PCDH15: variants seen among roughly 807,000 people sequenced by gnomAD.
The protein encoded by PCDH15 is protocadherin-15.
PCDH15 carries 129 observed loss-of-function variants against 178.5 expected under a neutral mutation model. That is an observed-to-expected ratio of 0.72 (90% CI 0.63 to 0.84). The LOEUF (loss-of-function observed/expected upper bound fraction) is 0.84, where lower values mean the gene tolerates loss of function less well. Ranked by LOEUF, PCDH15 falls within the 40% of genes least tolerant of loss-of-function variation. The pLI is 0.00. For missense variants in PCDH15, 2,230 were observed against 2,099.9 expected (o/e 1.06, Z -1.21); for synonymous variants, 800 against 732.0 (o/e 1.09, Z -1.50).
intron 2 of PCDH15, among the ~76,000 whole-genome samples, chr10:55,327,068 A>G (rs1844049847): frequency 6.6e-6 from 1 of 152,126 alleles, no homozygotes; most frequent in Non-Finnish European, 1.5e-5. Flanking sequence ...CCAAAATCCC[A>G]AAGTAATGGT....
At chr10:55,299,837 C>T (rs1444422747) in intron 1 of PCDH15, among the ~76,000 whole-genome samples, 1 of 152,054 alleles carries the variant, frequency 6.6e-6, no homozygotes, top group Non-Finnish European at 1.5e-5. Flanking sequence ...GCAGCATTCT[C>T]GCCATTAAAA....
At position 54,692,691 on chromosome 10, in the gene PCDH15, A is replaced by G. The variant is rs200973026; in HGVS notation, c.-28-28401T>C. On this transcript the variant is annotated intron_variant, in intron 1 of 37. Coordinates refer to ENST00000644397, the MANE Select transcript of PCDH15 (RefSeq NM_001384140.1). ...AAGCCATTCTTAAACTTAAAAGCGA[A>G]TAACTCCAAACATCCCTGATTGAAT... Among the ~76,000 whole-genome samples, 6 of 147,358 alleles carry G rather than the reference A, an allele frequency of 4.1e-5. No individual in the cohort carries two copies. The East Asian group carries it at 1.0e-3, about 25-fold the overall frequency.
chr10:54,186,675 A>G (rs2048501287), intron 11 of PCDH15, among the ~76,000 whole-genome samples: 1 of 152,012 alleles, frequency 6.6e-6, no homozygotes, highest in Middle Eastern at 3.2e-3. Flanking sequence ...CGTATTTATT[A>G]TAAAATGATC....
At chr10:53,935,483 G>A (rs140124848) in intron 25 of PCDH15, among the ~76,000 whole-genome samples, 55 of 152,270 alleles carry the variant, frequency 3.6e-4, no homozygotes, top group African/African-American at 1.1e-3. Context: ...AAAGTAAGTC[G>A]TAGAACAAAT....
At chr10:54,329,528 A>G (rs749960781) in intron 7 of PCDH15, 68 bp downstream of exon 7, 1 of 1,153,292 alleles carries the variant, frequency 8.7e-7, no homozygotes, top group Non-Finnish European at 1.3e-6. Context: ...AGAGTATCTG[A>G]TACATTTTGG....
At chr10:55,461,215 T>G (rs1486621893) in intron 2 of PCDH15, among the ~76,000 whole-genome samples, 1 of 152,150 alleles carries the variant, frequency 6.6e-6, no homozygotes. Context: ...CTAGGACATC[T>G]ATGCATCATG....
chr10:55,327,639 A>G (rs1188013263), intron 2 of PCDH15, among the ~76,000 whole-genome samples: 5 of 152,182 alleles, frequency 3.3e-5, no homozygotes, highest in Admixed American at 6.6e-5. Context: ...AAAAATCAGC[A>G]TAATGTCTGA....
At chr10:54,492,602 A>G (rs1228123706) in intron 3 of PCDH15, among the ~76,000 whole-genome samples, 2 of 152,146 alleles carry the variant, frequency 1.3e-5, no homozygotes, top group African/African-American at 4.8e-5. Context: ...ATAAGTTTCA[A>G]ATTGTGTGCC....
chr10:54,284,585 G>T (rs1157144203), intron 8 of PCDH15, among the ~76,000 whole-genome samples: 2 of 152,120 alleles, frequency 1.3e-5, no homozygotes, highest in East Asian at 3.9e-4. Context: ...GTAACATAAA[G>T]GTTGAAGTTT....
chr10:54,094,135 A>G (rs1242715654), intron 15 of PCDH15, among the ~76,000 whole-genome samples: 2 of 152,160 alleles, frequency 1.3e-5, no homozygotes, highest in Non-Finnish European at 2.9e-5. Context: ...TGAGAATACT[A>G]CTACTACTAC....
Position 54,552,027 on chromosome 10 carries a change from T to A in PCDH15, c.92-24150A>T, listed in dbSNP as rs768892589. On this transcript the variant is annotated intron_variant, in intron 2 of 37. Transcript: ENST00000644397. ...AATTCTACCTTTCAACCACATTAAT[T>A]AGAGCTTCCACTAAATCATTTCCAG... Among the ~76,000 whole-genome samples, 90 of 152,266 alleles carry A rather than the reference T, an allele frequency of 5.9e-4. 1 individual carries two copies. Among genetic ancestry groups the A allele is most frequent in the South Asian group, 1.2e-3 (6 of 4,832 alleles).
intron 1 of PCDH15, among the ~76,000 whole-genome samples, chr10:55,276,247 C>T (rs1051175850): frequency 6.7e-5 from 10 of 150,184 alleles, no homozygotes; most frequent in Admixed American, 1.3e-4. Context: ...TAATATAATA[C>T]GAAATAGAAG....
chr10:55,206,965 G>T (rs1006975355), intron 1 of PCDH15, among the ~76,000 whole-genome samples: 7 of 151,894 alleles, frequency 4.6e-5, no homozygotes, highest in African/African-American at 1.7e-4. Context: ...AGTTAGTCGG[G>T]TTCAGATCTC....
At chr10:54,380,289 G>A (rs373155745) in intron 3 of PCDH15, among the ~76,000 whole-genome samples, 1 of 151,852 alleles carries the variant, frequency 6.6e-6, no homozygotes. Flanking sequence ...CATGAATATT[G>A]AGTGGAATGA....
At chr10:54,316,886 C>T (rs925068486) in intron 8 of PCDH15, among the ~76,000 whole-genome samples, 1 of 152,010 alleles carries the variant, frequency 6.6e-6, no homozygotes, top group Non-Finnish European at 1.5e-5. Context: ...TTCTACTGGG[C>T]CAAAAATGTA....
chr10:55,083,207 A>T (rs1055766601), intron 2 of PCDH15, among the ~76,000 whole-genome samples: 3 of 151,980 alleles, frequency 2.0e-5, no homozygotes, highest in African/African-American at 7.2e-5. Flanking sequence ...ATTTATCATG[A>T]CCAAGTGGAA....
At chr10:53,981,526 CT>C (rs1320466531) in intron 21 of PCDH15, among the ~76,000 whole-genome samples, 2 of 151,960 alleles carry the variant, frequency 1.3e-5, no homozygotes, top group African/African-American at 4.8e-5. Flanking sequence ...ATATCTACAA[CT>C]ATCTGATCTT....
At chr10:54,896,752 A>G (rs1023412285) in intron 3 of PCDH15, among the ~76,000 whole-genome samples, 2 of 152,192 alleles carry the variant, frequency 1.3e-5, no homozygotes, top group African/African-American at 4.8e-5. Flanking sequence ...CAAAGAGAAA[A>G]GAGCCACAAA....
At chr10:54,945,109 T>G (rs780094790) in intron 2 of PCDH15, among the ~76,000 whole-genome samples, 6 of 151,900 alleles carry the variant, frequency 3.9e-5, no homozygotes, top group Non-Finnish European at 7.4e-5. Context: ...CTTTTCAATT[T>G]TATTGCAGCA....
Sources: allele counts gnomAD v4.1 joint callset (sites outside exome capture counted in the v4.1 genomes callset), GRCh38; gene constraint gnomAD v4.1.1; transcripts MANE v1.5; gene names NCBI Gene and HGNC (gene_info 2026-07-23, HGNC 2026-07-21).